BCL11B: variants seen among roughly 807,000 people sequenced by gnomAD.
The protein encoded by BCL11B is BCL11 transcription factor B, also known as B-cell lymphoma/leukemia 11B.
BCL11B carries 8 observed loss-of-function variants against 49.9 expected under a neutral mutation model. The observed-to-expected ratio is 0.16, with a 90% CI of 0.09 to 0.29. BCL11B has a LOEUF of 0.29. Among genes scored for constraint, BCL11B ranks in the 10% least tolerant of loss-of-function variants. The probability of loss-of-function intolerance (pLI) is 1.00; values close to 1 mark genes in which losing one functional copy is unlikely to be tolerated. For missense variants in BCL11B, 1,006 were observed against 1,351.0 expected (o/e 0.74, Z 4.00); for synonymous variants, 739 against 637.4 (o/e 1.16, Z -2.40).
intron 3 of BCL11B, among the ~76,000 whole-genome samples, chr14:99,229,408 G>A (rs1008282577): frequency 1.3e-5 from 2 of 152,158 alleles, no homozygotes; most frequent in African/African-American, 2.4e-5. Context: ...TCGACCTCCC[G>A]TGGATGTCGG....
Position 99,175,261 on chromosome 14 carries a change from C to A in BCL11B, c.1575G>T (p.Ser525=), listed in dbSNP as rs1482357250. The change falls in exon 4 of 4, where the codon TCG becomes TCT. Residue 525 remains serine, a synonymous_variant. Coordinates refer to ENST00000357195, the MANE Select transcript of BCL11B (RefSeq NM_138576.4). ...CCTCCTCCTCCGGCTCGTGGCCCAG[C>A]GACGGGTCGCTCTCGTGGTGGCGGA... ...GDFRHHESDP[S]LGHEPEEEDE... 6 of 1,542,164 alleles carry A rather than the reference C, an allele frequency of 3.9e-6. No individual in the cohort carries two copies. Among genetic ancestry groups the A allele is most frequent in the Non-Finnish European group, 5.2e-6 (6 of 1,148,242 alleles).
intron 1 of BCL11B, among the ~76,000 whole-genome samples, chr14:99,261,386 T>C (rs1889333767): frequency 1.3e-5 from 2 of 152,194 alleles, no homozygotes; most frequent in African/African-American, 4.8e-5. Context: ...AGCCAAGCCC[T>C]GGGAAGGGCA....
At chr14:99,271,134 C>T (rs1433985523) in intron 1 of BCL11B, 27 bp downstream of exon 1, 4 of 1,535,240 alleles carry the variant, frequency 2.6e-6, no homozygotes, top group African/African-American at 1.4e-5. Flanking sequence ...ATCTCCGGCC[C>T]CTCGCGCGCA....
intron 1 of BCL11B, among the ~76,000 whole-genome samples, chr14:99,260,641 TCTC>T (rs1421637708): frequency 1.3e-5 from 2 of 152,130 alleles, no homozygotes; most frequent in Non-Finnish European, 1.5e-5. Context: ...TTTTCCTTTC[TCTC>T]CTCTTTTTTT....
At chr14:99,210,401 T>G (rs935729697) in intron 3 of BCL11B, among the ~76,000 whole-genome samples, 2 of 152,106 alleles carry the variant, frequency 1.3e-5, no homozygotes, top group Non-Finnish European at 2.9e-5. Context: ...CCCTGGGCTT[T>G]CTCAGCCCAC....
chr14:99,262,869 AG>A lies in BCL11B; in HGVS notation c.59-5031del, dbSNP rs1333154899. 1 of 151,998 alleles carries A rather than the reference AG, an allele frequency of 6.6e-6. No homozygotes were observed. Among genetic ancestry groups the A allele is most frequent in the African/African-American group, 2.4e-5 (1 of 41,350 alleles). The allele number at this position is 151,998 out of a possible 1,614,324, so 9.4% of individuals were successfully genotyped here. On this transcript the variant is annotated intron_variant, in intron 1 of 3. Coordinates refer to ENST00000357195, the MANE Select transcript of BCL11B (RefSeq NM_138576.4). The surrounding 1 kb of genome is among the most constrained non-coding windows in gnomAD (Gnocchi z 4.2). ...ACAACCGTAGGGAGGGGGGAGGAGAAGGGTGGAGGGGGAGAGAGCAGGAATC... is the reference window on the plus strand; with the variant it reads ...ACAACCGTAGGGAGGGGGGAGGAGAAGGTGGAGGGGGAGAGAGCAGGAATC...
chr14:99,211,505 T>C (rs941737766), intron 3 of BCL11B, among the ~76,000 whole-genome samples: 2 of 152,234 alleles, frequency 1.3e-5, no homozygotes, highest in African/African-American at 4.8e-5. Context: ...CATGCATCCA[T>C]GGGCACACAC....
chr14:99,254,231 C>T (rs1416456152), intron 2 of BCL11B, among the ~76,000 whole-genome samples: 2 of 152,212 alleles, frequency 1.3e-5, no homozygotes, highest in Admixed American at 6.5e-5. Context: ...CAGAAACTTC[C>T]TCCCTCTACC....
At position 99,232,178 on chromosome 14, in the gene BCL11B, T is replaced by C. The variant is rs1321018768; in HGVS notation, c.428-621A>G. 3.9e-5 allele frequency among the ~76,000 whole-genome samples: 6 copies of C among 151,922 alleles called. No individual in the cohort carries two copies. The highest frequency in any genetic ancestry group is 7.4e-5 in the Non-Finnish European group (5 of 67,982). On this transcript the variant is annotated intron_variant, in intron 2 of 3. Coordinates refer to ENST00000357195, the MANE Select transcript of BCL11B (RefSeq NM_138576.4). The surrounding 1 kb of genome is among the most constrained non-coding windows in gnomAD (Gnocchi z 5.1). ...CAAAACGCAATGCCCTTCAGAAGGC[T>C]TTCACACCCCCCTACCACACCCCAA... is the stretch of plus-strand genomic sequence containing the variant.
Position 99,221,136 on chromosome 14 carries a change from G to A in BCL11B, c.640+10209C>T, listed in dbSNP as rs541517111. On this transcript the variant is annotated intron_variant, in intron 3 of 3. Coordinates refer to ENST00000357195, the MANE Select transcript of BCL11B (RefSeq NM_138576.4). The stretch of plus-strand genomic sequence containing the variant: ...CTCCCAAAGTGCTGGGATTACAGGC[G>A]TGAGCCACCGCGACTGGCCTGATCA... 1.2e-4 allele frequency among the ~76,000 whole-genome samples: 19 copies of A among 152,286 alleles called. No individual in the cohort carries two copies. The East Asian group carries it at 1.9e-3, about 15-fold the overall frequency.
chr14:99,204,448 G>C (rs925853367), intron 3 of BCL11B, among the ~76,000 whole-genome samples: 1 of 152,200 alleles, frequency 6.6e-6, no homozygotes, highest in Admixed American at 6.5e-5. Context: ...AACAGCCTTG[G>C]GGTAGGGGGG....
rs1888232626 is a variant in BCL11B, at chr14:99,228,948, G to GTGGA, written c.640+2393_640+2396dup. 6.7e-6 allele frequency among the ~76,000 whole-genome samples: 1 copy of GTGGA among 149,612 alleles called. No individual in the cohort carries two copies. Among genetic ancestry groups the GTGGA allele is most frequent in the African/African-American group, 2.5e-5 (1 of 40,542 alleles). ...GATGGATGGATGGATGAACGGATGG[G>GTGGA]TGGATGGATGGATGCATGGATGGAT... is the stretch of plus-strand genomic sequence containing the variant. On this transcript the variant is annotated intron_variant, in intron 3 of 3. Transcript: ENST00000357195. This position sits in a 1 kb window ranked among gnomAD's most constrained non-coding sequence, Gnocchi z 4.8.
At position 99,213,932 on chromosome 14, in the gene BCL11B, G is replaced by A. The variant is rs1224421029; in HGVS notation, c.640+17413C>T. On this transcript the variant is annotated intron_variant, in intron 3 of 3. Coordinates refer to ENST00000357195, the MANE Select transcript of BCL11B (RefSeq NM_138576.4). This position sits in a 1 kb window ranked among gnomAD's most constrained non-coding sequence, Gnocchi z 5.1. ...CATCCCAGCCCTCCGGTGCTCCTCC[G>A]AGAGGCTTGGCCCCAGGACACTGAC... Among the ~76,000 whole-genome samples the A allele has an allele frequency of 6.6e-6, 1 of 152,124 alleles. No homozygotes were observed. The highest frequency in any genetic ancestry group is 1.5e-5 in the Non-Finnish European group (1 of 68,004).
In BCL11B at chr14:99,187,729, T is replaced by C. The variant is rs2139788837; in HGVS notation, c.641-11534A>G. Among the ~76,000 whole-genome samples, 6 of 149,636 alleles carry C rather than the reference T, an allele frequency of 4.0e-5. No individual in the cohort carries two copies. The South Asian group carries it at 1.3e-3, about 32-fold the overall frequency. On this transcript the variant is annotated intron_variant, in intron 3 of 3. Transcript: ENST00000357195. ...GCGGGGATCAGTGTGTAGCTGTTTCTCACTCACACGTGGGATCTCAGTCTC... is the reference window on the plus strand; with the variant it reads ...GCGGGGATCAGTGTGTAGCTGTTTCCCACTCACACGTGGGATCTCAGTCTC...
In BCL11B at chr14:99,257,760, C is replaced by T; in HGVS notation, c.138G>A (p.Leu46=). The part of the protein sequence containing the change: ...LEIEEPSGLG[L]MVGGPDPDLL... ...GGTCAGGGTCGGGGCCACCCACCATCAGCCCCAGGCCACTTGGCTCCTCTA... is the reference window on the plus strand; with the variant it reads ...GGTCAGGGTCGGGGCCACCCACCATTAGCCCCAGGCCACTTGGCTCCTCTA... The change falls in exon 2 of 4, where the codon CTG becomes CTA. Residue 46 remains leucine (L), a synonymous_variant. Transcript: ENST00000357195. The surrounding 1 kb of genome is among the most constrained non-coding windows in gnomAD (Gnocchi z 6.2). 6.2e-7 allele frequency: 1 copy of T among 1,604,590 alleles called. No homozygotes were observed. Among genetic ancestry groups the T allele is most frequent in the Non-Finnish European group, 8.5e-7 (1 of 1,173,814 alleles).
chr14:99,266,375 AG>A (rs1416671070), intron 1 of BCL11B, among the ~76,000 whole-genome samples: 2 of 152,192 alleles, frequency 1.3e-5, no homozygotes, highest in Non-Finnish European at 2.9e-5. Context: ...CCCGATCACC[AG>A]CGCCTTAATA....
At chr14:99,236,123 C>G (rs1174333982) in intron 2 of BCL11B, among the ~76,000 whole-genome samples, 2 of 152,082 alleles carry the variant, frequency 1.3e-5, no homozygotes, top group African/African-American at 2.4e-5. Context: ...TAACAAAGAA[C>G]AAGCACGCAG....
intron 3 of BCL11B, among the ~76,000 whole-genome samples, chr14:99,181,337 C>T (rs1456148526): frequency 2.6e-5 from 4 of 152,226 alleles, no homozygotes; most frequent in Admixed American, 6.5e-5. Context: ...TTCACTCACA[C>T]CATCTTTGCT....
intron 2 of BCL11B, among the ~76,000 whole-genome samples, chr14:99,236,045 G>A (rs984229558): frequency 6.6e-6 from 1 of 152,104 alleles, no homozygotes; most frequent in Non-Finnish European, 1.5e-5. Flanking sequence ...GAATATTCAT[G>A]AGACTGTGCT....
Sources: allele counts gnomAD v4.1 joint callset (sites outside exome capture counted in the v4.1 genomes callset), GRCh38; gene constraint gnomAD v4.1.1; non-coding constraint Gnocchi (gnomAD v3.1); transcripts MANE v1.5; gene names NCBI Gene and HGNC (gene_info 2026-07-23, HGNC 2026-07-21).